Variants in MIPOL1 observed in about 807,000 individuals in gnomAD.
MIPOL1 encodes mirror-image polydactyly 1.
In MIPOL1, 57 loss-of-function variants were observed where a neutral mutation model predicts 60.9. The ratio of observed to expected loss-of-function variants is 0.94; its 90% confidence interval spans 0.76 to 1.17. The LOEUF (loss-of-function observed/expected upper bound fraction) is 1.17. MIPOL1 is among the 50% of genes most tolerant of loss of function. The pLI, the probability that MIPOL1 is intolerant of heterozygous loss-of-function variation, is 0.00. For missense variants in MIPOL1, 551 were observed against 511.6 expected, an observed-to-expected ratio of 1.08 and a Z score of -0.74; for synonymous variants, 179 against 168.8, an observed-to-expected ratio of 1.06 and a Z score of -0.47.
intron 9 of MIPOL1, among the ~76,000 whole-genome samples, chr14:37,343,033 T>C (rs2090688979): frequency 6.7e-6 from 1 of 150,344 alleles, no homozygotes; most frequent in Non-Finnish European, 1.5e-5. Context: ...AACATGTCAT[T>C]GCATGGCATA....
At chr14:37,222,004 TAAAC>T (rs1319433855) in intron 1 of MIPOL1, among the ~76,000 whole-genome samples, 7 of 145,050 alleles carry the variant, frequency 4.8e-5, no homozygotes, top group Non-Finnish European at 7.4e-5. Context: ...AATAAATAAA[TAAAC>T]AAACAAATCA....
intron 11 of MIPOL1, among the ~76,000 whole-genome samples, chr14:37,458,779 G>A (rs1461663224): frequency 6.6e-6 from 1 of 152,004 alleles, no homozygotes; most frequent in East Asian, 1.9e-4. Context: ...TGAACCCTGG[G>A]AGACAGAGGT....
chr14:37,459,360 A>G (rs2094513513), intron 11 of MIPOL1, among the ~76,000 whole-genome samples: 1 of 152,212 alleles, frequency 6.6e-6, no homozygotes, highest in African/African-American at 2.4e-5. Flanking sequence ...TCAAAAAAGT[A>G]CAAAAGATCA....
chr14:37,491,461 G>T (rs1477588730), intron 11 of MIPOL1, among the ~76,000 whole-genome samples: 1 of 152,132 alleles, frequency 6.6e-6, no homozygotes, highest in Non-Finnish European at 1.5e-5. Context: ...CCCCAGAGGT[G>T]AAGGTTGCAG....
chr14:37,238,581 C>G (rs1280870172), intron 1 of MIPOL1, among the ~76,000 whole-genome samples: 1 of 152,106 alleles, frequency 6.6e-6, no homozygotes, highest in African/African-American at 2.4e-5. Flanking sequence ...GTTAGTCATA[C>G]AGCCATTTTG....
chr14:37,396,017 T>A (rs1286724653), intron 10 of MIPOL1, among the ~76,000 whole-genome samples: 1 of 152,136 alleles, frequency 6.6e-6, no homozygotes, highest in African/African-American at 2.4e-5. Flanking sequence ...ATGTTAGTAC[T>A]GAGATGTGAG....
chr14:37,532,009 G>A (rs112186004), intron 12 of MIPOL1, among the ~76,000 whole-genome samples: 1,553 of 152,242 alleles, frequency 0.01, 29 homozygotes, highest in African/African-American at 0.035. Flanking sequence ...GGGATGGAGG[G>A]TGACTATGTA....
At chr14:37,375,919 G>C (rs2092764207) in intron 10 of MIPOL1, among the ~76,000 whole-genome samples, 1 of 151,376 alleles carries the variant, frequency 6.6e-6, no homozygotes, top group Non-Finnish European at 1.5e-5. Flanking sequence ...TTTCCTCTTT[G>C]TTTGCTCTTC....
chr14:37,448,803 C>A (rs1177600633), intron 11 of MIPOL1, among the ~76,000 whole-genome samples: 3 of 152,158 alleles, frequency 2.0e-5, no homozygotes, highest in Non-Finnish European at 4.4e-5. Flanking sequence ...AAAACAGAAT[C>A]TCAAATTTCG....
intron 9 of MIPOL1, among the ~76,000 whole-genome samples, chr14:37,328,472 G>T (rs964584934): frequency 6.6e-6 from 1 of 151,726 alleles, no homozygotes; most frequent in Admixed American, 6.6e-5. Context: ...TTTATTATAT[G>T]TTACTACTTT....
chr14:37,467,346 C>T (rs1403019039), intron 11 of MIPOL1, among the ~76,000 whole-genome samples: 1 of 152,104 alleles, frequency 6.6e-6, no homozygotes, highest in Non-Finnish European at 1.5e-5. Context: ...GCATAATTTG[C>T]TTAAATTAGG....
chr14:37,367,444 G>C (rs1203152132), intron 9 of MIPOL1, among the ~76,000 whole-genome samples: 2 of 151,920 alleles, frequency 1.3e-5, no homozygotes. Context: ...CTACCATGTA[G>C]TTTGGAAAAA....
At chr14:37,330,100 A>T (rs950260454) in intron 9 of MIPOL1, among the ~76,000 whole-genome samples, 4 of 152,160 alleles carry the variant, frequency 2.6e-5, no homozygotes, top group African/African-American at 7.2e-5. Flanking sequence ...AAGCCAAATC[A>T]GACCTTTTAT....
chr14:37,538,516 G>A (rs893910734), intron 12 of MIPOL1, among the ~76,000 whole-genome samples: 3 of 152,164 alleles, frequency 2.0e-5, no homozygotes, highest in African/African-American at 4.8e-5. Flanking sequence ...TGGGGAAAAT[G>A]AGCTATATTT....
chr14:37,299,018 A>C (rs576420673), intron 7 of MIPOL1, among the ~76,000 whole-genome samples: 8 of 151,956 alleles, frequency 5.3e-5, no homozygotes, highest in Non-Finnish European at 1.0e-4. Context: ...TTGTGGCACT[A>C]TTCACAATAG....
intron 11 of MIPOL1, among the ~76,000 whole-genome samples, chr14:37,486,740 G>A (rs2094952712): frequency 1.3e-5 from 2 of 152,104 alleles, no homozygotes; most frequent in South Asian, 4.2e-4. Flanking sequence ...GAGACGATGG[G>A]GTTTTCTAAA....
At chr14:37,409,542 C>T (rs566493655) in intron 10 of MIPOL1, among the ~76,000 whole-genome samples, 1 of 152,284 alleles carries the variant, frequency 6.6e-6, no homozygotes, top group Non-Finnish European at 1.5e-5. Flanking sequence ...AATCCCAGCA[C>T]TTTGGGAGGC....
rs557310985 is a variant in MIPOL1, at chr14:37,425,163, G to A, written c.1031+2214G>A. 1.2e-4 allele frequency among the ~76,000 whole-genome samples: 18 copies of A among 152,250 alleles called. No homozygotes were observed. The East Asian group carries it at 3.3e-3, about 28-fold the overall frequency. On this transcript the variant is annotated intron_variant, in intron 11 of 12. Transcript: ENST00000684589. ...GAAGGTTTTTATGGAACATTCTCCAGTAACATTTATGGGACAAGACAGTAG... is the reference window on the plus strand; with the variant it reads ...GAAGGTTTTTATGGAACATTCTCCAATAACATTTATGGGACAAGACAGTAG...
At chr14:37,355,517 C>T (rs903961798) in intron 9 of MIPOL1, among the ~76,000 whole-genome samples, 4 of 151,434 alleles carry the variant, frequency 2.6e-5, no homozygotes, top group Admixed American at 1.3e-4. Flanking sequence ...AACTTGGTTC[C>T]ATTCTCCCTG....
Sources: gnomAD v4.1 joint callset for allele counts (sites outside exome capture counted in the v4.1 genomes callset) on GRCh38, gnomAD v4.1.1 for gene constraint, MANE v1.5 for transcripts, NCBI Gene and HGNC (gene_info 2026-07-23, HGNC 2026-07-21) for gene names.